Variants in ITPK1 observed in about 807,000 individuals in gnomAD.
ITPK1 encodes inositol-tetrakisphosphate 1-kinase, also known as inositol 1,3,4-trisphosphate 5/6-kinase.
A neutral mutation model predicts 45.3 loss-of-function variants in ITPK1; 21 were observed. The ratio of observed to expected loss-of-function variants is 0.46; its 90% CI spans 0.33 to 0.67. The LOEUF (loss-of-function observed/expected upper bound fraction) is 0.67. ITPK1 is among the 30% of genes least tolerant of loss of function. ITPK1 has a pLI of 0.02. For synonymous variants in ITPK1, 258 were observed against 253.6 expected (o/e 1.02, Z -0.16); for missense variants, 474 against 573.5 (o/e 0.83, Z 1.77).
chr14:92,988,879 G>T (rs1172114674), intron 5 of ITPK1, among the ~76,000 whole-genome samples: 1 of 152,198 alleles, frequency 6.6e-6, no homozygotes, highest in Non-Finnish European at 1.5e-5. Context: ...TTAACCCAGT[G>T]CCTGGCACAC....
rs1326691518 is a variant in ITPK1, at chr14:93,016,303, T to G, written c.246+373A>C. 1.3e-5 allele frequency among the ~76,000 whole-genome samples: 2 copies of G among 152,232 alleles called. No individual in the cohort carries two copies. The highest frequency in any genetic ancestry group is 4.8e-5 in the African/African-American group (2 of 41,546). ...TTCAAAGGCCCTCGGGGGTCCCCTT[T>G]ACCAAGTGCAGCAGAAGGGTTCCAT... is the stretch of plus-strand genomic sequence containing the variant. On this transcript the variant is annotated intron_variant, in intron 4 of 10. Transcript: ENST00000267615. The surrounding 1 kb of genome is among the most constrained non-coding windows in gnomAD (Gnocchi z 5.0).
At chr14:93,021,155 G>A (rs999254455) in intron 3 of ITPK1, among the ~76,000 whole-genome samples, 1 of 152,120 alleles carries the variant, frequency 6.6e-6, no homozygotes, top group African/African-American at 2.4e-5. Context: ...GAGGGCTGAA[G>A]TCTGACTTAT....
At chr14:92,990,538 G>C (rs921211066) in intron 5 of ITPK1, among the ~76,000 whole-genome samples, 2 of 152,198 alleles carry the variant, frequency 1.3e-5, no homozygotes, top group Non-Finnish European at 2.9e-5. Flanking sequence ...GAAGTGGGTG[G>C]GTTTGAAGCT....
chr14:93,108,490 C>T (rs921101836), intron 2 of ITPK1, among the ~76,000 whole-genome samples: 3 of 152,186 alleles, frequency 2.0e-5, no homozygotes, highest in South Asian at 4.1e-4. Flanking sequence ...AACATTGATG[C>T]CCATCCTGCC....
chr14:93,109,011 TCACA>T (rs1257673228), intron 2 of ITPK1, among the ~76,000 whole-genome samples: 1 of 152,144 alleles, frequency 6.6e-6, no homozygotes, highest in African/African-American at 2.4e-5. Context: ...AGACTCTGTC[TCACA>T]CATACACACA....
intron 3 of ITPK1, among the ~76,000 whole-genome samples, chr14:93,018,006 G>A (rs898338683): frequency 1.3e-5 from 2 of 152,138 alleles, no homozygotes; most frequent in East Asian, 1.9e-4. Flanking sequence ...CTAAGGCTGC[G>A]CTTCTCACTC....
intron 7 of ITPK1, among the ~76,000 whole-genome samples, chr14:92,959,043 T>C (rs1884906756): frequency 6.6e-6 from 1 of 152,210 alleles, no homozygotes; most frequent in Admixed American, 6.5e-5. Flanking sequence ...CGGAGCCATG[T>C]GATACTCCGC....
intron 5 of ITPK1, among the ~76,000 whole-genome samples, chr14:92,991,380 A>G (rs1476656183): frequency 2.6e-5 from 4 of 151,492 alleles, no homozygotes; most frequent in African/African-American, 7.3e-5. Context: ...GGCGTGCACG[A>G]TAAGGAAAAC....
chr14:93,046,823 G>A (rs1019463945), intron 3 of ITPK1, among the ~76,000 whole-genome samples: 4 of 152,156 alleles, frequency 2.6e-5, no homozygotes, highest in Non-Finnish European at 4.4e-5. Context: ...CCCAGGCTGC[G>A]AACCCCCATC....
At chr14:93,066,958 G>A (rs941159350) in intron 3 of ITPK1, among the ~76,000 whole-genome samples, 1 of 152,116 alleles carries the variant, frequency 6.6e-6, no homozygotes, top group Non-Finnish European at 1.5e-5. Flanking sequence ...CAGGCCAAAC[G>A]GGAACCGACT....
At chr14:93,078,428 C>T (rs1400468727) in intron 2 of ITPK1, among the ~76,000 whole-genome samples, 1 of 152,222 alleles carries the variant, frequency 6.6e-6, no homozygotes, top group African/African-American at 2.4e-5. Context: ...CCAGGTCCCA[C>T]TGTGGGAAGC....
chr14:93,083,486 G>A (rs903395917), intron 2 of ITPK1, among the ~76,000 whole-genome samples: 3 of 152,172 alleles, frequency 2.0e-5, no homozygotes, highest in East Asian at 1.9e-4. Flanking sequence ...AGAACAACTC[G>A]GGGAAGTGGG....
chr14:93,108,707 G>C (rs201601722), intron 2 of ITPK1, among the ~76,000 whole-genome samples: 1 of 152,368 alleles, frequency 6.6e-6, no homozygotes, highest in East Asian at 1.9e-4. Flanking sequence ...TTCTTTGTGA[G>C]CAGTTTCAGA....
In ITPK1 at chr14:92,951,950, G is replaced by A. The variant is rs1258739530; in HGVS notation, c.734C>T (p.Thr245Met). 6.3e-7 allele frequency: 1 copy of A among 1,575,942 alleles called. No individual in the cohort carries two copies. Among genetic ancestry groups the A allele is most frequent in the Non-Finnish European group, 8.6e-7 (1 of 1,160,194 alleles). Residue 245 changes from threonine (T) to methionine (M), a missense_variant, in exon 9 of 11, where the codon ACG (threonine) becomes ATG (methionine). This residue lies in a region of ITPK1 where 367 missense variants were observed against 480.6 expected (regional missense o/e 0.76). Transcript: ENST00000267615. ...VSKPESSSVL[T>M]ELDKIEGVFE... The stretch of plus-strand genomic sequence containing the variant: ...CATCCCAGCAGAGGGACCCACCTCC[G>A]TCAGGACCGATGACGACTCCGGCTT...
At chr14:93,083,180 A>C (rs1383965145) in intron 2 of ITPK1, among the ~76,000 whole-genome samples, 1 of 152,200 alleles carries the variant, frequency 6.6e-6, no homozygotes, top group Non-Finnish European at 1.5e-5. Context: ...AAGCCACTGC[A>C]GCACAGTACC....
intron 2 of ITPK1, among the ~76,000 whole-genome samples, chr14:93,084,066 A>C (rs1185072089): frequency 6.6e-6 from 1 of 152,246 alleles, no homozygotes; most frequent in Non-Finnish European, 1.5e-5. Context: ...AGATGTGAAC[A>C]GAGGTGACCA....
intron 10 of ITPK1, 70 bp from the exon 11 acceptor site, chr14:92,941,974 G>A (rs1887449795): frequency 2.9e-6 from 4 of 1,400,204 alleles, no homozygotes; most frequent in Non-Finnish European, 4.0e-6. Context: ...AGGAGGAGGA[G>A]GAGGCAGAAC....
At chr14:93,066,845 A>G (rs953049486) in intron 3 of ITPK1, among the ~76,000 whole-genome samples, 1 of 152,192 alleles carries the variant, frequency 6.6e-6, no homozygotes, top group Admixed American at 6.5e-5. Flanking sequence ...ATGCATCTCC[A>G]TTCCTGGCTT....
At chr14:92,980,498 C>T (rs981201440) in intron 5 of ITPK1, among the ~76,000 whole-genome samples, 9 of 152,300 alleles carry the variant, frequency 5.9e-5, no homozygotes, top group African/African-American at 2.2e-4. Flanking sequence ...CTGGTGATAA[C>T]TTGGCCTTTC....
Sources: gnomAD v4.1 joint callset for allele counts (sites outside exome capture counted in the v4.1 genomes callset) on GRCh38, gnomAD v4.1.1 for gene constraint, gnomAD v4.1.1 regional missense constraint, Gnocchi (gnomAD v3.1) non-coding constraint, MANE v1.5 for transcripts, NCBI Gene and HGNC (gene_info 2026-07-23, HGNC 2026-07-21) for gene names.